The following RNF2 variants were observed in gnomAD, a reference collection of about 807,000 sequenced individuals.
The protein encoded by RNF2 is E3 ubiquitin-protein ligase RING2.
Under a neutral mutation model 37.2 loss-of-function variants are expected in RNF2, and 6 were observed. The observed-to-expected ratio is 0.16, with a 90% confidence interval of 0.09 to 0.32. RNF2 has a LOEUF of 0.32. RNF2 is among the 10% of genes least tolerant of loss of function. The probability of loss-of-function intolerance (pLI) is 1.00; values close to 1 mark genes in which losing one functional copy is unlikely to be tolerated. For synonymous variants in RNF2, 133 were observed against 132.7 expected, an observed-to-expected ratio of 1.00 and a Z score of -0.02; for missense variants, 251 against 404.0, an observed-to-expected ratio of 0.62 and a Z score of 3.25.
intron 1 of RNF2, among the ~76,000 whole-genome samples, chr1:185,054,544 C>T (rs1298468237): frequency 6.6e-6 from 1 of 152,182 alleles, no homozygotes; most frequent in Non-Finnish European, 1.5e-5. Context: ...AGCGCTCTTC[C>T]TGAGAGCGGG....
intron 1 of RNF2, among the ~76,000 whole-genome samples, chr1:185,052,531 G>A (rs1396411168): frequency 6.6e-6 from 1 of 152,236 alleles, no homozygotes; most frequent in East Asian, 1.9e-4. Flanking sequence ...CCATAGATTG[G>A]TGGTTGCCAG....
intron 4 of RNF2, among the ~76,000 whole-genome samples, chr1:185,094,807 A>G (rs1651866279): frequency 6.6e-6 from 1 of 152,192 alleles, no homozygotes; most frequent in Non-Finnish European, 1.5e-5. Flanking sequence ...CCTCTCTGAC[A>G]TTATCGTCTG....
At chr1:185,098,663 A>G (rs548733622) in intron 5 of RNF2, among the ~76,000 whole-genome samples, 1 of 152,350 alleles carries the variant, frequency 6.6e-6, no homozygotes, top group Non-Finnish European at 1.5e-5. Flanking sequence ...CTGTATCTCC[A>G]GCACACTGCT....
At chr1:185,085,034 AGT>A (rs1651539262) in intron 1 of RNF2, among the ~76,000 whole-genome samples, 2 of 151,980 alleles carry the variant, frequency 1.3e-5, no homozygotes, top group South Asian at 4.1e-4. Flanking sequence ...GCTGGAACTC[AGT>A]GTGTGTAGCA....
chr1:185,089,447 G>T (rs1651702488), intron 2 of RNF2, among the ~76,000 whole-genome samples: 1 of 152,160 alleles, frequency 6.6e-6, no homozygotes, highest in Non-Finnish European at 1.5e-5. Context: ...ATCCCCCATG[G>T]ATACCAAGGG....
chr1:185,070,121 T>G (rs1348356312), intron 1 of RNF2, among the ~76,000 whole-genome samples: 1 of 152,258 alleles, frequency 6.6e-6, no homozygotes, highest in Non-Finnish European at 1.5e-5. Flanking sequence ...ATAGAAATGC[T>G]TCTTCAAATT....
intron 1 of RNF2, among the ~76,000 whole-genome samples, chr1:185,052,119 T>C (rs1650290440): frequency 6.6e-6 from 1 of 152,114 alleles, no homozygotes; most frequent in South Asian, 2.1e-4. Flanking sequence ...CATCATGGAA[T>C]ATCTGTTCTT....
chr1:185,090,250 G>A (rs1488829820), intron 2 of RNF2, among the ~76,000 whole-genome samples: 1 of 152,130 alleles, frequency 6.6e-6, no homozygotes, highest in Admixed American at 6.5e-5. Flanking sequence ...TTACACCAAG[G>A]TGGTTTTCCC....
At chr1:185,062,362 C>T (rs965621259) in intron 1 of RNF2, among the ~76,000 whole-genome samples, 2 of 152,114 alleles carry the variant, frequency 1.3e-5, no homozygotes, top group Non-Finnish European at 2.9e-5. Context: ...ATTATATACA[C>T]ATAAAATATA....
intron 1 of RNF2, among the ~76,000 whole-genome samples, chr1:185,051,211 T>C (rs1406917448): frequency 6.6e-6 from 1 of 152,228 alleles, no homozygotes. Flanking sequence ...CACTGTTTGC[T>C]ATATAGAGTC....
rs183509853 is a variant in RNF2, at chr1:185,064,774, C to T, written c.-3+19125C>T. Among the ~76,000 whole-genome samples, 342 of 152,210 alleles carry T rather than the reference C, an allele frequency of 2.2e-3. 2 individuals are homozygous for T. The highest frequency in any genetic ancestry group is 7.9e-3 in the African/African-American group (326 of 41,518). ...ACCTTTCAGAATGTTTTGTAATTTT[C>T]ATTATGCAAGTCTTGTGCCTCCTTG... On this transcript the variant is annotated intron_variant, in intron 1 of 6. Coordinates refer to ENST00000367510, the MANE Select transcript of RNF2 (RefSeq NM_007212.4).
intron 1 of RNF2, among the ~76,000 whole-genome samples, chr1:185,063,771 C>T (rs78871440): frequency 0.013 from 2,019 of 152,224 alleles, 41 homozygotes; most frequent in African/African-American, 0.045. Flanking sequence ...CTGGAGGTTA[C>T]CTGCATTCTA....
intron 1 of RNF2, among the ~76,000 whole-genome samples, chr1:185,048,179 C>A (rs1259833033): frequency 1.3e-5 from 2 of 152,112 alleles, no homozygotes; most frequent in African/African-American, 4.8e-5. Context: ...TAAGTAGAAG[C>A]TAGTGTTAGT....
chr1:185,095,289 T>A (rs1651880216), intron 4 of RNF2, among the ~76,000 whole-genome samples: 2 of 152,348 alleles, frequency 1.3e-5, no homozygotes, highest in South Asian at 4.1e-4. Context: ...TGATAGGCAC[T>A]CCTTTCTTTT....
intron 1 of RNF2, among the ~76,000 whole-genome samples, chr1:185,073,828 T>C (rs1048853225): frequency 6.6e-6 from 1 of 152,356 alleles, no homozygotes; most frequent in Middle Eastern, 3.4e-3. Context: ...ACACTAACAA[T>C]TCTCCAACTC....
At chr1:185,047,778 A>G (rs1007539372) in intron 1 of RNF2, among the ~76,000 whole-genome samples, 6 of 152,254 alleles carry the variant, frequency 3.9e-5, no homozygotes, top group Non-Finnish European at 7.3e-5. Flanking sequence ...CAGCTTTTAA[A>G]AGAAAAATAA....
chr1:185,054,715 G>C (rs1010494378), intron 1 of RNF2, among the ~76,000 whole-genome samples: 15 of 151,974 alleles, frequency 9.9e-5, no homozygotes, highest in African/African-American at 3.4e-4. Context: ...ATTTTTTTCA[G>C]TTTTAAGACA....
intron 1 of RNF2, among the ~76,000 whole-genome samples, chr1:185,064,152 C>T (rs779473513): frequency 9.2e-5 from 14 of 152,120 alleles, no homozygotes; most frequent in Non-Finnish European, 1.9e-4. Context: ...TTCAATCTGT[C>T]TTAAATTTAT....
chr1:185,081,699 C>T (rs957656245), intron 1 of RNF2, among the ~76,000 whole-genome samples: 7 of 152,180 alleles, frequency 4.6e-5, no homozygotes, highest in Non-Finnish European at 8.8e-5. Context: ...TGTGAGCCAC[C>T]GTGCCTGGCC....
Sources: gnomAD v4.1 joint callset for allele counts (sites outside exome capture counted in the v4.1 genomes callset) on GRCh38, gnomAD v4.1.1 for gene constraint, MANE v1.5 for transcripts, NCBI Gene and HGNC (gene_info 2026-07-23, HGNC 2026-07-21) for gene names.